The following ASH1L variants were observed in gnomAD, a reference collection of about 807,000 sequenced individuals.
ASH1L encodes the protein ASH1 like histone lysine methyltransferase.
In ASH1L, 23 loss-of-function variants were observed where a neutral mutation model predicts 269.0. That is an observed-to-expected ratio of 0.09 (90% CI 0.06 to 0.12). ASH1L has a LOEUF of 0.12. Ranked by LOEUF, ASH1L falls within the 10% of genes least tolerant of loss-of-function variation. The probability of loss-of-function intolerance (pLI) is 1.00; values close to 1 mark genes in which losing one functional copy is unlikely to be tolerated. For missense variants in ASH1L, 2,912 were observed against 3,567.8 expected, an observed-to-expected ratio of 0.82 and a Z score of 4.68; for synonymous variants, 1,187 against 1,253.5, an observed-to-expected ratio of 0.95 and a Z score of 1.12.
intron 1 of ASH1L, among the ~76,000 whole-genome samples, chr1:155,546,796 CAACT>C (rs1451371133): frequency 6.6e-6 from 1 of 151,784 alleles, no homozygotes; most frequent in African/African-American, 2.4e-5. Flanking sequence ...GTAAACAACG[CAACT>C]GTCATTCCAT....
intron 10 of ASH1L, 129 bp from the exon 11 acceptor site, chr1:155,371,112 T>A: frequency 1.3e-6 from 1 of 761,138 alleles, no homozygotes; most frequent in Non-Finnish European, 2.1e-6. Flanking sequence ...AGTACCCGAA[T>A]CACTAAGATT....
In ASH1L at chr1:155,343,712, C is replaced by T. The variant is rs766504592; in HGVS notation, c.8012G>A (p.Arg2671Gln). 30 of 1,614,062 alleles carry T rather than the reference C, an allele frequency of 1.9e-5. No individual in the cohort carries two copies. The highest frequency in any genetic ancestry group is 5.5e-5 in the South Asian group (5 of 91,062). Residue 2671 changes from arginine (R) to glutamine (Q), a missense_variant, in exon 23 of 28, where the codon CGG becomes CAG. Coordinates refer to ENST00000392403, the MANE Select transcript of ASH1L (RefSeq NM_018489.3). The surrounding 1 kb of genome is among the most constrained non-coding windows in gnomAD (Gnocchi z 6.1). ...GACCGGGTGGCCATCAGGGGTGCGC[C>T]GACTATCCCTCATCAGATACACACA... is the stretch of plus-strand genomic sequence containing the variant. ...GDCVYLMRDS[R>Q]RTPDGHPVRQ...
At chr1:155,469,009 G>C (rs1297749346) in intron 3 of ASH1L, among the ~76,000 whole-genome samples, 1 of 152,104 alleles carries the variant, frequency 6.6e-6, no homozygotes, top group Admixed American at 6.5e-5. Flanking sequence ...AAAGGTGTAA[G>C]AATTTTAATT....
At chr1:155,432,430 A>G (rs747626810) in intron 5 of ASH1L, among the ~76,000 whole-genome samples, 7 of 152,194 alleles carry the variant, frequency 4.6e-5, no homozygotes, top group African/African-American at 1.7e-4. Flanking sequence ...TCACCACTCT[A>G]TCAATTCTAA....
chr1:155,429,009 T>TATATATATATAC (rs1661400452), intron 5 of ASH1L, among the ~76,000 whole-genome samples: 1 of 151,846 alleles, frequency 6.6e-6, no homozygotes, highest in African/African-American at 2.4e-5. Context: ...GGTCTCGGCA[T>TATATATATATAC]ATATATATAT....
chr1:155,362,034 G>GT (rs1275581300), intron 12 of ASH1L, among the ~76,000 whole-genome samples: 1 of 151,622 alleles, frequency 6.6e-6, no homozygotes, highest in South Asian at 2.1e-4. Flanking sequence ...GATTTTAGGT[G>GT]TTTTTTTGTT....
At chr1:155,378,422 A>G (rs1236938178) in intron 9 of ASH1L, 33 bp from the exon 10 acceptor site, 8 of 1,610,088 alleles carry the variant, frequency 5.0e-6, no homozygotes, top group Non-Finnish European at 5.1e-6. Context: ...GTTTGTGAAC[A>G]TACAGGATAA....
intron 8 of ASH1L, among the ~76,000 whole-genome samples, chr1:155,378,928 A>G (rs541087138): frequency 6.6e-6 from 1 of 152,280 alleles, no homozygotes; most frequent in East Asian, 1.9e-4. Flanking sequence ...ACTTACTTAG[A>G]TGTCTGGGTG....
intron 10 of ASH1L, among the ~76,000 whole-genome samples, chr1:155,372,508 CA>C (rs1225192026): frequency 2.0e-5 from 3 of 151,906 alleles, no homozygotes; most frequent in African/African-American, 7.3e-5. Flanking sequence ...GAGGTTTTGC[CA>C]TGTTGGCCAG....
In ASH1L at chr1:155,480,975, T is replaced by C; in HGVS notation, c.1895A>G (p.Glu632Gly). 1 of 1,614,078 alleles carries C rather than the reference T, an allele frequency of 6.2e-7. No individual in the cohort carries two copies. The highest frequency in any genetic ancestry group is 1.7e-5 in the Admixed American group (1 of 60,020). ...ATGGGTAGTTTTTGAATCATTTACC[T>C]CTTTATCAATCCCTTTACATTCAAT... ...ISIECKGIDK[E>G]VNDSKTTHID... The change falls in exon 3 of 28, where the codon GAG becomes GGG. Residue 632 changes from glutamate to glycine, a missense_variant. This residue lies in a region of ASH1L where 715 missense variants were observed against 721.0 expected (regional missense o/e 0.99). Transcript: ENST00000392403.
Position 155,562,515 on chromosome 1 carries a change from C to A in ASH1L, c.-462G>T, listed in dbSNP as rs757654737. On this transcript the variant is annotated 5_prime_UTR_variant, in exon 1 of 28. Transcript: ENST00000392403. ...AGGGAGCGAAGGGCGCCTAGCGCCC[C>A]CCTCAACCTTCCACTCCTTCCTCCT... 1 of 1,508,652 alleles carries A rather than the reference C, an allele frequency of 6.6e-7. No individual in the cohort carries two copies. Among genetic ancestry groups the A allele is most frequent in the African/African-American group, 1.4e-5 (1 of 72,386 alleles). 93.5% of individuals were successfully genotyped at this position (1,508,652 alleles called of 1,614,324 possible). A position where few individuals can be genotyped will look rare whatever the true frequency, so the allele number is the denominator to read the frequency against.
At position 155,482,351 on chromosome 1, in the gene ASH1L, A is replaced by T; in HGVS notation, c.519T>A (p.Pro173=). Residue 173 remains proline, a synonymous_variant, in exon 3 of 28, where the codon CCT becomes CCA. Coordinates refer to ENST00000392403, the MANE Select transcript of ASH1L (RefSeq NM_018489.3). ...IRLHSQGENN[P]LSKKLSPVHS... The stretch of plus-strand genomic sequence containing the variant: ...GTACTGGAGACAGCTTCTTAGACAA[A>T]GGATTGTTTTCTCCCTGTGAATGAA... 6.2e-7 allele frequency: 1 copy of T among 1,614,172 alleles called. No individual in the cohort carries two copies. The highest frequency in any genetic ancestry group is 1.1e-5 in the South Asian group (1 of 91,082).
chr1:155,362,585 A>G (rs1174178038), intron 12 of ASH1L, among the ~76,000 whole-genome samples: 2 of 152,148 alleles, frequency 1.3e-5, no homozygotes, highest in African/African-American at 4.8e-5. Flanking sequence ...GCCCAAAGTT[A>G]CACAGCTGAT....
chr1:155,381,611 C>T (rs1656952606), intron 7 of ASH1L, among the ~76,000 whole-genome samples: 1 of 152,068 alleles, frequency 6.6e-6, no homozygotes, highest in Non-Finnish European at 1.5e-5. Context: ...ATGGTTCATG[C>T]CTGTAATCCC....
In ASH1L at chr1:155,378,540, T is replaced by C; in HGVS notation, c.6186A>G (p.Lys2062=). 1 of 1,612,146 alleles carries C rather than the reference T, an allele frequency of 6.2e-7. No homozygotes were observed. The highest frequency in any genetic ancestry group is 8.5e-7 in the Non-Finnish European group (1 of 1,179,278). The part of the protein sequence containing the change: ...LWQWKHNQLY[K]KPDVPLYKKI... ...TCTTATATAGTGGGACATCTGGCTT[T>C]TTGTATAGCTAGAAGAAAAGAAGAA... Residue 2062 remains lysine, a synonymous_variant, in exon 9 of 28, where the codon AAA becomes AAG. Coordinates refer to ENST00000392403, the MANE Select transcript of ASH1L (RefSeq NM_018489.3).
chr1:155,345,972 C>A (rs1390351702), intron 21 of ASH1L: 1 of 360,310 alleles, frequency 2.8e-6, no homozygotes, highest in Non-Finnish European at 5.3e-6. Context: ...CCTGAGACTT[C>A]AGGTGCACGC....
rs149565722 is a variant in ASH1L at position 155,481,047 on chromosome 1, C to T, written c.1823G>A (p.Ser608Asn). 1,429 of 1,613,996 alleles carry T rather than the reference C, an allele frequency of 8.9e-4. No homozygotes were observed. Among genetic ancestry groups the T allele is most frequent in the Non-Finnish European group, 1.1e-3 (1,242 of 1,179,956 alleles). Reference protein sequence around the residue: ...SVGKNQFTSESTHLNVGHRSV... With the variant: ...SVGKNQFTSENTHLNVGHRSV... ...CCTATGACCAACGTTCAAGTGGGTA[C>T]TTTCAGAAGTAAACTGGTTCTTTCC... Residue 608 changes from serine (S) to asparagine (N), a missense_variant, in exon 3 of 28, where the codon AGT becomes AAT. Physicochemically the swap from Ser to Asn is conservative, Grantham distance 46. Transcript: ENST00000392403.
In ASH1L at chr1:155,354,508, T is replaced by C; in HGVS notation, c.7178A>G (p.Asn2393Ser). ...ATTCCCATCATCTCGGCAGATCCCATTCCAACGGGTATATAATGATGCTGA... is the reference window on the plus strand; with the variant it reads ...ATTCCCATCATCTCGGCAGATCCCACTCCAACGGGTATATAATGATGCTGA... Reference protein sequence around the residue: ...IHSASLYTRWNGICRDDGNIK... With the variant: ...IHSASLYTRWSGICRDDGNIK... Residue 2393 changes from asparagine (N) to serine (S), a missense_variant, in exon 16 of 28, where the codon AAT (asparagine) becomes AGT (serine). Transcript: ENST00000392403. 3 of 1,612,106 alleles carry C rather than the reference T, an allele frequency of 1.9e-6. No individual in the cohort carries two copies. The highest frequency in any genetic ancestry group is 2.2e-5 in the South Asian group (2 of 90,300).
chr1:155,457,276 A>G (rs1385180292), intron 4 of ASH1L, among the ~76,000 whole-genome samples: 1 of 152,206 alleles, frequency 6.6e-6, no homozygotes, highest in African/African-American at 2.4e-5. Context: ...TTGCATGTAC[A>G]ATGAAGTTCC....
Sources: allele counts gnomAD v4.1 joint callset (sites outside exome capture counted in the v4.1 genomes callset), GRCh38; gene constraint gnomAD v4.1.1; regional missense constraint gnomAD v4.1.1; non-coding constraint Gnocchi (gnomAD v3.1); transcripts MANE v1.5; gene names NCBI Gene and HGNC (gene_info 2026-07-23, HGNC 2026-07-21).